The following NEDD4L variants were observed in gnomAD, a reference collection of about 807,000 sequenced individuals.
NEDD4L encodes NEDD4 like E3 ubiquitin protein ligase, also known as E3 ubiquitin-protein ligase NEDD4-like.
NEDD4L carries 54 observed loss-of-function variants against 148.9 expected under a neutral mutation model. The observed-to-expected ratio is 0.36, with a 90% CI of 0.29 to 0.45. The LOEUF (loss-of-function observed/expected upper bound fraction) is 0.45, where lower values mean the gene tolerates loss of function less well. Among genes scored for constraint, NEDD4L ranks in the 20% least tolerant of loss-of-function variants. The pLI is 1.00. For synonymous variants in NEDD4L, 433 were observed against 440.7 expected (o/e 0.98, Z 0.22); for missense variants, 856 against 1,233.8 (o/e 0.69, Z 4.59).
intron 2 of NEDD4L, among the ~76,000 whole-genome samples, chr18:58,167,390 T>A (rs551906940): frequency 7.9e-5 from 12 of 152,242 alleles, no homozygotes; most frequent in African/African-American, 2.2e-4. Context: ...TGGGCTCTTG[T>A]TACCCAGCTG....
chr18:58,313,827 G>A (rs7239419), intron 5 of NEDD4L, among the ~76,000 whole-genome samples: 11,229 of 152,260 alleles, frequency 0.074, 1,348 homozygotes, highest in African/African-American at 0.25. Flanking sequence ...TGTCTCCCTG[G>A]CAAAACAACA....
intron 5 of NEDD4L, among the ~76,000 whole-genome samples, chr18:58,277,320 C>T (rs933552258): frequency 7.9e-5 from 12 of 152,086 alleles, no homozygotes; most frequent in Admixed American, 4.6e-4. Context: ...GGATAATCCC[C>T]GAGGCAGCAG....
intron 18 of NEDD4L, among the ~76,000 whole-genome samples, chr18:58,351,772 G>C (rs1469734709): frequency 6.6e-6 from 1 of 152,130 alleles, no homozygotes; most frequent in African/African-American, 2.4e-5. Flanking sequence ...TAGATGTAAA[G>C]TTTCAACCAT....
chr18:58,399,598 T>G lies in NEDD4L; in HGVS notation c.*3329T>G, dbSNP rs1160090785. 2 of 152,328 alleles carry G rather than the reference T, an allele frequency of 1.3e-5. No individual in the cohort carries two copies. Among genetic ancestry groups the G allele is most frequent in the Non-Finnish European group, 2.9e-5 (2 of 68,122 alleles). 9.4% of individuals were successfully genotyped at this position (152,328 alleles called of 1,614,324 possible). A position where few individuals can be genotyped will look rare whatever the true frequency, so the allele number is the denominator to read the frequency against. On this transcript the variant is annotated 3_prime_UTR_variant, in exon 31 of 31. Coordinates refer to ENST00000400345, the MANE Select transcript of NEDD4L (RefSeq NM_001144967.3). ...GCCTCCTGGCTTCAAGCGATTCTTC[T>G]GCCTCAGCCTCCCCGAATAGTTGGG... is the stretch of plus-strand genomic sequence containing the variant.
At chr18:58,255,970 C>G in intron 5 of NEDD4L, 2 of 1,230,804 alleles carry the variant, frequency 1.6e-6, no homozygotes, top group African/African-American at 1.6e-5. Flanking sequence ...GCGGGCCGCC[C>G]GAGGGCGCCG....
intron 2 of NEDD4L, among the ~76,000 whole-genome samples, chr18:58,213,629 T>A (rs996623834): frequency 1.8e-4 from 28 of 152,222 alleles, no homozygotes; most frequent in African/African-American, 6.7e-4. Flanking sequence ...GATTTCCAAG[T>A]CACTCACCAG....
At chr18:58,299,143 A>C (rs1280418858) in intron 5 of NEDD4L, among the ~76,000 whole-genome samples, 8 of 152,216 alleles carry the variant, frequency 5.3e-5, no homozygotes, top group Non-Finnish European at 8.8e-5. Context: ...TTTTATTAGA[A>C]ATTCTCACTT....
intron 1 of NEDD4L, among the ~76,000 whole-genome samples, chr18:58,132,269 C>A (rs372281428): frequency 2.6e-5 from 4 of 152,040 alleles, no homozygotes; most frequent in Non-Finnish European, 4.4e-5. Flanking sequence ...TTGCCACCCA[C>A]AGGAGAGAGG....
At chr18:58,220,947 T>G (rs292456) in intron 2 of NEDD4L, among the ~76,000 whole-genome samples, 67,002 of 151,974 alleles carry the variant, frequency 0.44, 15,788 homozygotes, top group East Asian at 0.81. Flanking sequence ...GGCCCTGATT[T>G]ACACCTAAGG....
chr18:58,294,488 A>G (rs905462342), intron 5 of NEDD4L, among the ~76,000 whole-genome samples: 1 of 152,188 alleles, frequency 6.6e-6, no homozygotes, highest in African/African-American at 2.4e-5. Flanking sequence ...CCCTGGAATG[A>G]ACAGAAACTG....
chr18:58,203,952 A>G (rs542483457), intron 2 of NEDD4L, among the ~76,000 whole-genome samples: 1 of 152,202 alleles, frequency 6.6e-6, no homozygotes, highest in Non-Finnish European at 1.5e-5. Flanking sequence ...AACTGCTGTG[A>G]AAAAGCCACT....
chr18:58,116,239 G>A (rs981950598), intron 1 of NEDD4L, among the ~76,000 whole-genome samples: 4 of 152,196 alleles, frequency 2.6e-5, no homozygotes, highest in South Asian at 2.1e-4. Flanking sequence ...TGCCCTGTAA[G>A]CATTTTCTGT....
rs117296053 is a variant in NEDD4L at position 58,260,397 on chromosome 18, C to T, written c.297+8343C>T. ...GATAGGCAGTGCACAAGGTTGACACCGATATGTTTGTAAACAGAAACTGTA... is the reference window on the plus strand; with the variant it reads ...GATAGGCAGTGCACAAGGTTGACACTGATATGTTTGTAAACAGAAACTGTA... On this transcript the variant is annotated intron_variant, in intron 5 of 30. Coordinates refer to ENST00000400345, the MANE Select transcript of NEDD4L (RefSeq NM_001144967.3). Among the ~76,000 whole-genome samples, 1,290 of 152,248 alleles carry T rather than the reference C, an allele frequency of 8.5e-3. 8 individuals carry two copies. Among genetic ancestry groups the T allele is most frequent in the Admixed American group, 0.012 (180 of 15,292 alleles).
chr18:58,330,527 G>T (rs752864559), intron 10 of NEDD4L, among the ~76,000 whole-genome samples: 2 of 152,202 alleles, frequency 1.3e-5, no homozygotes, highest in Non-Finnish European at 2.9e-5. Flanking sequence ...CCTTGGGCAG[G>T]TTATTTTCTG....
At chr18:58,079,821 G>T (rs1462541262) in intron 1 of NEDD4L, among the ~76,000 whole-genome samples, 1 of 152,210 alleles carries the variant, frequency 6.6e-6, no homozygotes, top group African/African-American at 2.4e-5. Context: ...ATGTGTCATT[G>T]GAGAGGGACA....
At chr18:58,272,656 G>A (rs1031049330) in intron 5 of NEDD4L, among the ~76,000 whole-genome samples, 4 of 151,656 alleles carry the variant, frequency 2.6e-5, no homozygotes, top group African/African-American at 9.7e-5. Flanking sequence ...AATTAATCCC[G>A]ACCTTCCTCC....
At chr18:58,367,982 AT>A in intron 22 of NEDD4L, 115 bp downstream of exon 22, 2 of 1,158,802 alleles carry the variant, frequency 1.7e-6, no homozygotes, top group South Asian at 1.6e-5. Context: ...CTCATAAAGT[AT>A]TTTTATGTTT....
At position 58,082,811 on chromosome 18, in the gene NEDD4L, G is replaced by A. The variant is rs1416182274; in HGVS notation, c.48+38103G>A. 2.7e-5 allele frequency among the ~76,000 whole-genome samples: 4 copies of A among 148,694 alleles called. No homozygotes were observed. In the East Asian group the frequency reaches 7.8e-4, roughly 29 times the overall value. On this transcript the variant is annotated intron_variant, in intron 1 of 30. Coordinates refer to ENST00000400345, the MANE Select transcript of NEDD4L (RefSeq NM_001144967.3). ...CTCAAAAAAAAAAAAAAAAAGCTTTGATAAATATTGTACATGATTGCAAAG... is the reference window on the plus strand; with the variant it reads ...CTCAAAAAAAAAAAAAAAAAGCTTTAATAAATATTGTACATGATTGCAAAG...
At chr18:58,390,561 A>G in intron 28 of NEDD4L, 85 bp from the exon 29 acceptor site, 1 of 823,548 alleles carries the variant, frequency 1.2e-6, no homozygotes, top group Non-Finnish European at 2.0e-6. Context: ...AATATAAATA[A>G]GATTAAGTTC....
Sources: allele counts gnomAD v4.1 joint callset (sites outside exome capture counted in the v4.1 genomes callset), GRCh38; gene constraint gnomAD v4.1.1; transcripts MANE v1.5; gene names NCBI Gene and HGNC (gene_info 2026-07-23, HGNC 2026-07-21).